Variants in AFF3 observed in about 807,000 individuals in gnomAD.
AFF3 encodes AF4/FMR2 family member 3.
A neutral mutation model predicts 129.7 loss-of-function variants in AFF3; 32 were observed. The observed-to-expected ratio is 0.25, with a 90% CI of 0.19 to 0.33. AFF3 has a LOEUF of 0.33. Among genes scored for constraint, AFF3 ranks in the 10% least tolerant of loss-of-function variants. The pLI is 1.00. For synonymous variants in AFF3, 644 were observed against 635.4 expected, an observed-to-expected ratio of 1.01 and a Z score of -0.20; for missense variants, 1,373 against 1,592.0, an observed-to-expected ratio of 0.86 and a Z score of 2.34.
chr2:99,584,771 T>C (rs1677928046), intron 16 of AFF3, among the ~76,000 whole-genome samples: 1 of 152,196 alleles, frequency 6.6e-6, no homozygotes, highest in Admixed American at 6.5e-5. Flanking sequence ...AGTTAAAAAA[T>C]GGTAAAGCCA....
intron 2 of AFF3, chr2:100,106,991 T>G: frequency 1.0e-6 from 1 of 985,442 alleles, no homozygotes; most frequent in Non-Finnish European, 1.2e-6. Context: ...CTCTGGTGCC[T>G]TGTGTTAATA....
intron 8 of AFF3, among the ~76,000 whole-genome samples, chr2:99,754,407 T>C (rs1259711791): frequency 2.0e-5 from 3 of 152,210 alleles, no homozygotes; most frequent in African/African-American, 7.2e-5. Context: ...TACAAACTAA[T>C]TACTCATGAT....
At position 99,558,985 on chromosome 2, in the gene AFF3, A is replaced by T; in HGVS notation, c.3192-17T>A. On this transcript the variant is annotated splice_polypyrimidine_tract_variant and intron_variant, in intron 21 of 24. Coordinates refer to ENST00000672756, the MANE Select transcript of AFF3 (RefSeq NM_001386135.1). ...CATCGGTAACTGCAGGCGAAAAGAG[A>T]AACAGGCCCAGAAGCGGCTGAGTGC... 6.2e-7 allele frequency: 1 copy of T among 1,613,708 alleles called. No homozygotes were observed. Among genetic ancestry groups the T allele is most frequent in the Non-Finnish European group, 8.5e-7 (1 of 1,179,604 alleles).
At chr2:99,887,462 T>G (rs1693198974) in intron 7 of AFF3, among the ~76,000 whole-genome samples, 1 of 152,228 alleles carries the variant, frequency 6.6e-6, no homozygotes, top group South Asian at 2.1e-4. Flanking sequence ...GAATCTAGTT[T>G]ATGAAGCTGA....
rs143753296 is a variant in AFF3 at position 99,608,966 on chromosome 2, A to G, written c.1185-7345T>C. On this transcript the variant is annotated intron_variant, in intron 13 of 24. Coordinates refer to ENST00000672756, the MANE Select transcript of AFF3 (RefSeq NM_001386135.1). ...TTATTACATGTTTTGAGATGGCTCA[A>G]TATAAAATAGAAAAATATAGAGACC... Among the ~76,000 whole-genome samples the G allele has an allele frequency of 8.1e-3, 1,239 of 152,294 alleles. 13 individuals are homozygous for G. The highest frequency in any genetic ancestry group is 0.061 in the Middle Eastern group (18 of 294).
chr2:99,616,171 G>A lies in AFF3; in HGVS notation c.1185-14550C>T, dbSNP rs145230345. Reference sequence around the variant, plus strand: ...AGCAATGGGAGCGTTTTAAGGCAATGTAACCCATTAGAGATCCTGCCACCC... The same window carrying A: ...AGCAATGGGAGCGTTTTAAGGCAATATAACCCATTAGAGATCCTGCCACCC... On this transcript the variant is annotated intron_variant, in intron 13 of 24. Transcript: ENST00000672756. Among the ~76,000 whole-genome samples the A allele has an allele frequency of 5.9e-4, 90 of 152,244 alleles. 1 individual carries two copies. The highest frequency in any genetic ancestry group is 1.8e-3 in the African/African-American group (75 of 41,558).
chr2:99,783,512 G>A (rs1473349235), intron 8 of AFF3, among the ~76,000 whole-genome samples: 1 of 152,252 alleles, frequency 6.6e-6, no homozygotes, highest in African/African-American at 2.4e-5. Context: ...CCCTGTGAGA[G>A]CAGAGGAATA....
chr2:100,017,784 C>T (rs1314503923), intron 4 of AFF3, among the ~76,000 whole-genome samples: 1 of 152,180 alleles, frequency 6.6e-6, no homozygotes, highest in Non-Finnish European at 1.5e-5. Context: ...GTCCAAGTCC[C>T]ATAACCAGTA....
At chr2:99,614,265 G>T (rs1681205241) in intron 13 of AFF3, among the ~76,000 whole-genome samples, 1 of 152,188 alleles carries the variant, frequency 6.6e-6, no homozygotes, top group South Asian at 2.1e-4. Context: ...GCCACATTTA[G>T]CAGAGGAGAA....
intron 22 of AFF3, among the ~76,000 whole-genome samples, 176 bp downstream of exon 22, chr2:99,558,699 C>T (rs1296460100): frequency 6.6e-6 from 1 of 152,120 alleles, no homozygotes; most frequent in Non-Finnish European, 1.5e-5. Context: ...TAGATGGGCT[C>T]TCAAAGGTCC....
At chr2:99,643,665 G>A (rs757895879) in intron 13 of AFF3, among the ~76,000 whole-genome samples, 25 of 152,080 alleles carry the variant, frequency 1.6e-4, no homozygotes, top group African/African-American at 3.4e-4. Flanking sequence ...GCTGGAGCTC[G>A]TCCACTTGAC....
At chr2:99,572,162 C>T (rs1010739515) in intron 18 of AFF3, among the ~76,000 whole-genome samples, 3 of 152,128 alleles carry the variant, frequency 2.0e-5, no homozygotes, top group East Asian at 1.9e-4. Context: ...TCTTCAGAAA[C>T]GGGGCTTGAG....
At chr2:99,606,632 T>A (rs908977343) in intron 13 of AFF3, among the ~76,000 whole-genome samples, 1 of 152,146 alleles carries the variant, frequency 6.6e-6, no homozygotes, top group African/African-American at 2.4e-5. Context: ...TTAAAAGTAC[T>A]TCAGGACGGG....
At chr2:99,976,779 C>T (rs112542585) in intron 7 of AFF3, among the ~76,000 whole-genome samples, 224 of 150,530 alleles carry the variant, frequency 1.5e-3, no homozygotes, top group African/African-American at 5.2e-3. Context: ...CAGTAGAAAA[C>T]CCATTTCTTT....
chr2:99,720,651 G>A (rs1341529778), intron 11 of AFF3, among the ~76,000 whole-genome samples: 3 of 152,096 alleles, frequency 2.0e-5, no homozygotes, highest in African/African-American at 4.8e-5. Flanking sequence ...TAATATGACT[G>A]GGTTCAGGTT....
At chr2:99,939,786 C>G (rs78664887) in intron 7 of AFF3, among the ~76,000 whole-genome samples, 3,885 of 152,280 alleles carry the variant, frequency 0.026, 68 homozygotes, top group South Asian at 0.037. Context: ...AAAACGCAAT[C>G]TGTATTTCTC....
At chr2:100,091,070 G>A (rs920005636) in intron 4 of AFF3, among the ~76,000 whole-genome samples, 4 of 152,076 alleles carry the variant, frequency 2.6e-5, no homozygotes, top group African/African-American at 9.7e-5. Context: ...ACATATTACA[G>A]GATAGTGGTG....
intron 12 of AFF3, among the ~76,000 whole-genome samples, chr2:99,668,099 A>G (rs957280023): frequency 2.6e-5 from 4 of 152,028 alleles, no homozygotes; most frequent in Non-Finnish European, 5.9e-5. Context: ...CAGAGCTTGC[A>G]GTGAGCCAAG....
intron 13 of AFF3, among the ~76,000 whole-genome samples, chr2:99,641,969 G>T (rs188545753): frequency 6.6e-6 from 1 of 152,288 alleles, no homozygotes; most frequent in East Asian, 1.9e-4. Flanking sequence ...CTTGGGTAAT[G>T]AATTTTTGTG....
Sources: gnomAD v4.1 joint callset for allele counts (sites outside exome capture counted in the v4.1 genomes callset) on GRCh38, gnomAD v4.1.1 for gene constraint, MANE v1.5 for transcripts, NCBI Gene and HGNC (gene_info 2026-07-23, HGNC 2026-07-21) for gene names.